Variants in ZNF347 observed in about 807,000 individuals in gnomAD.
ZNF347 encodes the protein zinc finger protein 347.
Under a neutral mutation model 12.9 loss-of-function variants are expected in ZNF347, and 19 were observed. The observed-to-expected ratio is 1.47, with a 90% CI of 1.03 to 2.16. The LOEUF is 2.16. Ranked by LOEUF, ZNF347 falls within the 30% of genes most tolerant of loss-of-function variation. The pLI, the probability that ZNF347 is intolerant of heterozygous loss-of-function variation, is 0.00. For missense variants in ZNF347, 1,005 were observed against 990.6 expected, an observed-to-expected ratio of 1.01 and a Z score of -0.19; for synonymous variants, 328 against 340.6, an observed-to-expected ratio of 0.96 and a Z score of 0.41.
chr19:53,148,553 C>A (rs2090476959), intron 4 of ZNF347, 128 bp downstream of exon 4: 3 of 1,125,188 alleles, frequency 2.7e-6, no homozygotes, highest in African/African-American at 3.2e-5. Flanking sequence ...CAAAAGGGGG[C>A]AAATAAAGAT....
chr19:53,142,804 A>G (rs1315271990), intron 4 of ZNF347, among the ~76,000 whole-genome samples: 2 of 152,172 alleles, frequency 1.3e-5, no homozygotes, highest in East Asian at 1.9e-4. Context: ...CCAACCTACA[A>G]TACTGTAGCC....
At position 53,140,486 on chromosome 19, in the gene ZNF347, G is replaced by GC. The variant is rs763466727; in HGVS notation, c.2341dup (p.Ala781GlyfsTer14). 54 of 1,613,586 alleles carry GC rather than the reference G, an allele frequency of 3.3e-5. No individual in the cohort carries two copies. The highest frequency in any genetic ancestry group is 3.1e-4 in the East Asian group (14 of 44,888). The stretch of plus-strand genomic sequence containing the variant: ...TCCGGTATGAATTCTCTGATGCCTT[G>GC]CAAGTTTTGAAGTTTGACTAAAGGC... On this transcript the variant is annotated frameshift_variant, in exon 5 of 5. Coordinates refer to ENST00000334197, the MANE Select transcript of ZNF347 (RefSeq NM_032584.3). LOFTEE classifies it low-confidence loss of function (END_TRUNC).
At chr19:53,157,023 T>C (rs2090540228) in intron 1 of ZNF347, among the ~76,000 whole-genome samples, 1 of 151,952 alleles carries the variant, frequency 6.6e-6, no homozygotes, top group Non-Finnish European at 1.5e-5. Flanking sequence ...AAAGGAAAAA[T>C]ATTTTTTCCT....
intron 1 of ZNF347, among the ~76,000 whole-genome samples, chr19:53,157,279 C>T (rs2090541901): frequency 6.6e-6 from 1 of 152,098 alleles, no homozygotes; most frequent in Non-Finnish European, 1.5e-5. Flanking sequence ...TTATTTTAAA[C>T]CCAGAAACCA....
chr19:53,139,476 A>C lies in ZNF347; in HGVS notation c.*832T>G, dbSNP rs531130322. On this transcript the variant is annotated 3_prime_UTR_variant, in exon 5 of 5. Coordinates refer to ENST00000334197, the MANE Select transcript of ZNF347 (RefSeq NM_032584.3). Reference sequence around the variant, plus strand: ...ATCCATAGTTCAGGTTGAAAGTCACAAACAGTAGCCTTTTTGAGAAACCTC... The same window carrying C: ...ATCCATAGTTCAGGTTGAAAGTCACCAACAGTAGCCTTTTTGAGAAACCTC... 18 of 152,358 alleles carry C rather than the reference A, an allele frequency of 1.2e-4. No homozygotes were observed. The South Asian group carries it at 2.5e-3, about 21-fold the overall frequency. The allele number at this position is 152,358 out of a possible 1,614,324, so 9.4% of individuals were successfully genotyped here.
In ZNF347 at chr19:53,135,323, T is replaced by TAGAGAGAGAGAG. The variant is rs2090380187; in HGVS notation, c.*4984_*4985insCTCTCTCTCTCT. 1.9e-5 allele frequency: 1 copy of TAGAGAGAGAGAG among 52,588 alleles called. No individual in the cohort carries two copies. The highest frequency in any genetic ancestry group is 6.1e-5 in the African/African-American group (1 of 16,296). 3.3% of individuals were successfully genotyped at this position (52,588 alleles called of 1,614,324 possible). A position where few individuals can be genotyped will look rare whatever the true frequency, so the allele number is the denominator to read the frequency against. On this transcript the variant is annotated 3_prime_UTR_variant, in exon 5 of 5. Transcript: ENST00000334197. ...AAATATATATATATATATATATATA[T>TAGAGAGAGAGAG]ATATATATATATATATAGAGAGAGA...
In ZNF347 at chr19:53,141,811, G is replaced by A. The variant is rs763381978; in HGVS notation, c.1017C>T (p.His339=). The A allele has an allele frequency of 1.1e-5, 18 of 1,614,038 alleles. 1 individual carries two copies. In the South Asian group the frequency reaches 2.0e-4, roughly 18 times the overall value. Residue 339 remains histidine (H), a synonymous_variant, in exon 5 of 5, where the codon CAC becomes CAT. Transcript: ENST00000334197. ...TACATTTATAAGGTTTCTCTCCAGT[G>A]TGAATTTTCTGATGTTGTGAGAGTT... ...NSQLSQHQKI[H]TGEKPYKCNE...
chr19:53,140,924 C>A lies in ZNF347; in HGVS notation c.1904G>T (p.Ser635Ile). Reference protein sequence around the residue: ...YKYNEYGKAFSEHSNLTTHQV... With the variant: ...YKYNEYGKAFIEHSNLTTHQV... ...ATGGGTAGTTAGGTTTGAATGTTCA[C>A]TAAAGGCTTTGCCATACTCATTATA... Residue 635 changes from serine (S) to isoleucine (I), a missense_variant, in exon 5 of 5, where the codon AGT (serine) becomes ATT (isoleucine). Transcript: ENST00000334197. 6.2e-7 allele frequency: 1 copy of A among 1,613,362 alleles called. No individual in the cohort carries two copies. The highest frequency in any genetic ancestry group is 8.5e-7 in the Non-Finnish European group (1 of 1,179,894).
intron 2 of ZNF347, among the ~76,000 whole-genome samples, chr19:53,150,692 G>A (rs377606703): frequency 3.9e-5 from 6 of 152,114 alleles, no homozygotes; most frequent in African/African-American, 1.4e-4. Flanking sequence ...AATGACAGAT[G>A]TTTCTGAGCA....
chr19:53,141,937 G>A lies in ZNF347; in HGVS notation c.891C>T (p.Ala297=). ...KPYKCYECGK[A]FRTRSNLTTH... ...TAGTTAGGTTTGAACGTGTTCTAAAGGCTTTGCCACACTCATAACATTTGT... is the reference window on the plus strand; with the variant it reads ...TAGTTAGGTTTGAACGTGTTCTAAAAGCTTTGCCACACTCATAACATTTGT... Residue 297 remains alanine, a synonymous_variant, in exon 5 of 5, where the codon GCC becomes GCT. Coordinates refer to ENST00000334197, the MANE Select transcript of ZNF347 (RefSeq NM_032584.3). The A allele has an allele frequency of 6.2e-7, 1 of 1,613,862 alleles. No individual in the cohort carries two copies.
At chr19:53,148,636 C>T in intron 4 of ZNF347, 45 bp downstream of exon 4, 1 of 1,574,126 alleles carries the variant, frequency 6.4e-7, no homozygotes, top group Non-Finnish European at 8.6e-7. Context: ...GTTTCCCAAA[C>T]ACTATTTAAT....
In ZNF347 at chr19:53,140,807, A is replaced by G. The variant is rs766970774; in HGVS notation, c.2021T>C (p.Val674Ala). ...QNSHLARHRR[V>A]HTGGKPYQCN... is the part of the protein sequence containing the mutation. ...CTGGTAAGGTTTACCTCCAGTATGA[A>G]CTCTCCGATGTCTTGCAAGGTGTGA... Residue 674 changes from valine to alanine, a missense_variant, in exon 5 of 5, where the codon GTT (valine) becomes GCT (alanine). Transcript: ENST00000334197. The G allele has an allele frequency of 6.2e-7, 1 of 1,612,970 alleles. No individual in the cohort carries two copies. Among genetic ancestry groups the G allele is most frequent in the South Asian group, 1.1e-5 (1 of 91,014 alleles).
intron 2 of ZNF347, among the ~76,000 whole-genome samples, chr19:53,150,371 A>C (rs1226339726): frequency 2.6e-5 from 4 of 152,228 alleles, no homozygotes; most frequent in African/African-American, 9.6e-5. Flanking sequence ...ACATCCTCAC[A>C]CACACAGGTA....
chr19:53,146,446 C>T (rs551856156), intron 4 of ZNF347, among the ~76,000 whole-genome samples: 4 of 151,914 alleles, frequency 2.6e-5, no homozygotes, highest in Non-Finnish European at 4.4e-5. Context: ...GGCTAATTTT[C>T]GTTTTATTTT....
chr19:53,152,351 A>T (rs1329691556), intron 2 of ZNF347, among the ~76,000 whole-genome samples: 1 of 152,164 alleles, frequency 6.6e-6, no homozygotes, highest in Non-Finnish European at 1.5e-5. Context: ...TCACGCCTGT[A>T]ATCCCAGCGT....
intron 4 of ZNF347, among the ~76,000 whole-genome samples, chr19:53,147,392 C>A (rs563032329): frequency 2.8e-3 from 417 of 151,312 alleles, no homozygotes; most frequent in African/African-American, 8.7e-3. Flanking sequence ...AACAAACAAA[C>A]AAACAAAAAA....
intron 1 of ZNF347, among the ~76,000 whole-genome samples, chr19:53,156,049 G>GGGGGT (rs1555802215): frequency 0.011 from 1,009 of 92,312 alleles, 77 homozygotes; most frequent in South Asian, 0.022. Flanking sequence ...CCAGCTCGGG[G>GGGGGT]GGGGGGGGGG....
rs774924159 is a variant in ZNF347 at position 53,140,906 on chromosome 19, G to C, written c.1922C>G (p.Thr641Ser). Residue 641 changes from threonine to serine, a missense_variant, in exon 5 of 5, where the codon ACT (threonine) becomes AGT (serine). By Grantham distance (58) the Thr-to-Ser change is moderately conservative. Coordinates refer to ENST00000334197, the MANE Select transcript of ZNF347 (RefSeq NM_032584.3). Reference protein sequence around the residue: ...GKAFSEHSNLTTHQVIHTGEK... With the variant: ...GKAFSEHSNLSTHQVIHTGEK... ...ACCAGTATGGATGACCTGATGGGTA[G>C]TTAGGTTTGAATGTTCACTAAAGGC... The C allele has an allele frequency of 1.2e-6, 2 of 1,613,578 alleles. No individual in the cohort carries two copies. The highest frequency in any genetic ancestry group is 1.7e-6 in the Non-Finnish European group (2 of 1,179,912).
At chr19:53,142,763 A>C (rs1313861909) in intron 4 of ZNF347, among the ~76,000 whole-genome samples, 1 of 152,196 alleles carries the variant, frequency 6.6e-6, no homozygotes, top group African/African-American at 2.4e-5. Flanking sequence ...GATTCCATGT[A>C]ATTCAAATTA....
Sources: gnomAD v4.1 joint callset for allele counts (sites outside exome capture counted in the v4.1 genomes callset) on GRCh38, gnomAD v4.1.1 for gene constraint, MANE v1.5 for transcripts, NCBI Gene and HGNC (gene_info 2026-07-23, HGNC 2026-07-21) for gene names.